Variants in IST1 observed in about 807,000 individuals in gnomAD.
The protein encoded by IST1 is IST1 homolog.
IST1 carries 23 observed loss-of-function variants against 37.0 expected under a neutral mutation model. The observed-to-expected ratio is 0.62, with a 90% CI of 0.45 to 0.88. The LOEUF (loss-of-function observed/expected upper bound fraction) is 0.88. Ranked by LOEUF, IST1 falls within the 40% of genes least tolerant of loss-of-function variation. The probability of loss-of-function intolerance (pLI) is 0.00; values close to 1 mark genes in which losing one functional copy is unlikely to be tolerated. For missense variants in IST1, 488 were observed against 445.4 expected (o/e 1.10, Z -0.86); for synonymous variants, 180 against 161.7 (o/e 1.11, Z -0.86).
chr16:71,899,348 G>GC (rs2037050239), intron 1 of IST1, among the ~76,000 whole-genome samples: 2 of 152,090 alleles, frequency 1.3e-5, no homozygotes, highest in South Asian at 2.1e-4. Flanking sequence ...GGAGGTTGAG[G>GC]CGGGAGGATT....
intron 4 of IST1, among the ~76,000 whole-genome samples, chr16:71,918,152 C>G (rs1195848055): frequency 6.6e-6 from 1 of 152,206 alleles, no homozygotes; most frequent in Non-Finnish European, 1.5e-5. Context: ...ATCCTCCTAT[C>G]TTCTGTCGAG....
upstream of IST1, chr16:71,895,023 C>A: frequency 1.9e-6 from 1 of 532,100 alleles, no homozygotes; most frequent in Non-Finnish European, 3.3e-6. Flanking sequence ...ACGCTTAGAG[C>A]CCGTAGAGGG....
At chr16:71,911,748 G>A (rs1555509713) in intron 1 of IST1, among the ~76,000 whole-genome samples, 1 of 106,372 alleles carries the variant, frequency 9.4e-6, no homozygotes, top group South Asian at 2.8e-4. Context: ...ACAGGGTTTT[G>A]CTCTGTTGCC....
chr16:71,921,169 A>G, intron 5 of IST1, 174 bp from the exon 6 acceptor site: 1 of 606,242 alleles, frequency 1.6e-6, no homozygotes, highest in Non-Finnish European at 2.9e-6. Context: ...TGTGAAAGAG[A>G]GACTTGGGTC....
At chr16:71,897,588 C>G (rs1360605210) in intron 1 of IST1, among the ~76,000 whole-genome samples, 2 of 152,168 alleles carry the variant, frequency 1.3e-5, no homozygotes, top group African/African-American at 4.8e-5. Flanking sequence ...CCTATGAACA[C>G]TTATTTCAGC....
At position 71,930,310 on chromosome 16, in the gene IST1, A is replaced by T. The variant is rs981305848; in HGVS notation, c.*2497A>T. Reference sequence around the variant, plus strand: ...TTATCCGAAGGAAACTTAGGGAGAGAGTCAAAAGATAATAAGAAGGAAAAT... The same window carrying T: ...TTATCCGAAGGAAACTTAGGGAGAGTGTCAAAAGATAATAAGAAGGAAAAT... On this transcript the variant is annotated 3_prime_UTR_variant, in exon 10 of 10. Coordinates refer to ENST00000378799, the MANE Select transcript of IST1 (RefSeq NM_001270975.2). 1.9e-5 allele frequency: 18 copies of T among 942,348 alleles called. No individual in the cohort carries two copies. Among genetic ancestry groups the T allele is most frequent in the Non-Finnish European group, 2.5e-5 (17 of 676,866 alleles). 58.4% of individuals were successfully genotyped at this position (942,348 alleles called of 1,614,324 possible).
At chr16:71,923,247 C>A in intron 7 of IST1, 41 bp from the exon 8 acceptor site, 1 of 1,214,504 alleles carries the variant, frequency 8.2e-7, no homozygotes, top group Non-Finnish European at 1.2e-6. Context: ...AGATTGCAAA[C>A]TGGAGGCAGT....
chr16:71,908,250 C>G (rs936640401), intron 1 of IST1, among the ~76,000 whole-genome samples: 1 of 136,656 alleles, frequency 7.3e-6, no homozygotes, highest in African/African-American at 2.7e-5. Flanking sequence ...CCTGTCTTTA[C>G]TTTTTAATCT....
chr16:71,898,370 GAAAAAAA>G (rs57871135), intron 1 of IST1, among the ~76,000 whole-genome samples: 2 of 100,854 alleles, frequency 2.0e-5, no homozygotes, highest in African/African-American at 4.1e-5. Context: ...CTCTCTCTCA[GAAAAAAA>G]AAAAAAAAAA....
intron 4 of IST1, among the ~76,000 whole-genome samples, 176 bp downstream of exon 4, chr16:71,917,310 G>A (rs76390209): frequency 1.9e-3 from 283 of 152,272 alleles, no homozygotes; most frequent in Non-Finnish European, 2.7e-3. Context: ...GAATAGAACA[G>A]TGTTTTGCAA....
At chr16:71,921,514 CA>C in intron 6 of IST1, 61 bp downstream of exon 6, 8 of 899,748 alleles carry the variant, frequency 8.9e-6, no homozygotes, top group Non-Finnish European at 1.3e-5. Context: ...CTTTGGAAAA[CA>C]AAAAAAACAT....
intron 1 of IST1, among the ~76,000 whole-genome samples, chr16:71,908,559 G>A (rs1056858493): frequency 5.3e-5 from 8 of 152,260 alleles, no homozygotes; most frequent in Non-Finnish European, 1.0e-4. Flanking sequence ...GGGATTACAG[G>A]TGTGAGCCAC....
In IST1 at chr16:71,927,874, AACAAAG is replaced by A; in HGVS notation, c.*63_*68del. ...TTGAGACTGAGCAATTTCTCCTTGT[AACAAAG>A]AATCTCCATGAAATTCTGTTTCATC... is the stretch of plus-strand genomic sequence containing the variant. On this transcript the variant is annotated 3_prime_UTR_variant, in exon 10 of 10. Coordinates refer to ENST00000378799, the MANE Select transcript of IST1 (RefSeq NM_001270975.2). 8.7e-7 allele frequency: 1 copy of A among 1,155,604 alleles called. No individual in the cohort carries two copies. The highest frequency in any genetic ancestry group is 1.3e-6 in the Non-Finnish European group (1 of 775,146). The allele number at this position is 1,155,604 out of a possible 1,614,324, so 71.6% of individuals were successfully genotyped here.
intron 1 of IST1, among the ~76,000 whole-genome samples, chr16:71,907,221 G>A (rs2037243917): frequency 6.7e-6 from 1 of 148,750 alleles, no homozygotes. Context: ...TCTGAGAAAG[G>A]CCATATTTTA....
chr16:71,923,160 G>C (rs2037649795), intron 7 of IST1, 128 bp from the exon 8 acceptor site: 1 of 511,300 alleles, frequency 2.0e-6, no homozygotes, highest in Admixed American at 3.7e-5. Context: ...GCATTTTTAA[G>C]GATCTTGAAT....
At chr16:71,920,868 T>TACAA in intron 5 of IST1, 46 bp downstream of exon 5, 1 of 1,322,290 alleles carries the variant, frequency 7.6e-7, no homozygotes, top group Non-Finnish European at 1.1e-6. Context: ...GTGGGAGCAG[T>TACAA]TTATTGTACT....
At chr16:71,912,913 G>A (rs906164034) in intron 1 of IST1, among the ~76,000 whole-genome samples, 13 of 152,168 alleles carry the variant, frequency 8.5e-5, no homozygotes, top group African/African-American at 2.7e-4. Flanking sequence ...CCATGTTGTA[G>A]CATGTGATGG....
chr16:71,895,568 G>A lies in IST1; in HGVS notation c.-37G>A. ...GAACCCTGAAGTCGGTGTCTGCTGC[G>A]TTCACGGCAGGATTCGGTTAGGTGA... is the stretch of plus-strand genomic sequence containing the variant. On this transcript the variant is annotated 5_prime_UTR_variant, in exon 1 of 10. Coordinates refer to ENST00000378799, the MANE Select transcript of IST1 (RefSeq NM_001270975.2). 1 of 985,556 alleles carries A rather than the reference G, an allele frequency of 1.0e-6. No homozygotes were observed. The highest frequency in any genetic ancestry group is 1.2e-6 in the Non-Finnish European group (1 of 829,934). The allele number at this position is 985,556 out of a possible 1,614,324, so 61.1% of individuals were successfully genotyped here.
chr16:71,916,129 C>G (rs947582810), intron 2 of IST1, among the ~76,000 whole-genome samples: 14 of 152,092 alleles, frequency 9.2e-5, no homozygotes, highest in Non-Finnish European at 1.8e-4. Context: ...ACCATGCCCG[C>G]CCTGGGATCA....
Sources: allele counts gnomAD v4.1 joint callset (sites outside exome capture counted in the v4.1 genomes callset), GRCh38; gene constraint gnomAD v4.1.1; transcripts MANE v1.5; gene names NCBI Gene and HGNC (gene_info 2026-07-23, HGNC 2026-07-21).